HEATR1: variants seen among roughly 807,000 people sequenced by gnomAD.
HEATR1 encodes the protein HEAT repeat-containing protein 1.
Under a neutral mutation model 248.2 loss-of-function variants are expected in HEATR1, and 77 were observed. That is an observed-to-expected ratio of 0.31 (90% confidence interval 0.26 to 0.37). The LOEUF (loss-of-function observed/expected upper bound fraction) is 0.37, where lower values mean the gene tolerates loss of function less well. Ranked by LOEUF, HEATR1 falls within the 10% of genes least tolerant of loss-of-function variation. The pLI is 1.00. For missense variants in HEATR1, 2,420 were observed against 2,504.9 expected (o/e 0.97, Z 0.72); for synonymous variants, 897 against 923.1 (o/e 0.97, Z 0.51).
rs149147735 is a variant in HEATR1 at position 236,604,060 on chromosome 1, G to A, written c.36C>T (p.Ala12=). ...TSLAQQLQRL[A]LPQSDASLLS... is the part of the protein sequence containing the mutation. ...AGAGGCTGGCATCACTTTGAGGGAG[G>A]GCGAGTCGTTGCAGCTGCTGGGCTA... Residue 12 remains alanine (A), a synonymous_variant, in exon 2 of 45, where the codon GCC becomes GCT. Transcript: ENST00000366582. The A allele has an allele frequency of 1.3e-5, 21 of 1,580,596 alleles. 1 individual carries two copies. The Admixed American group carries it at 3.4e-4, about 25-fold the overall frequency.
chr1:236,574,690 G>A lies in HEATR1; in HGVS notation c.3298C>T (p.Pro1100Ser). Reference protein sequence around the residue: ...HTTKELYAGMPTIQITALEKI... With the variant: ...HTTKELYAGMSTIQITALEKI... ...TCAAGGGCTGTGATCTGAATGGTTG[G>A]CATTCCCGCGTAAAGTTCCTTTGTT... Residue 1100 changes from proline to serine, a missense_variant, in exon 23 of 45, where the codon CCA becomes TCA. Pro to Ser is a moderately conservative substitution (Grantham distance 74). Coordinates refer to ENST00000366582, the MANE Select transcript of HEATR1 (RefSeq NM_018072.6). The A allele has an allele frequency of 6.2e-7, 1 of 1,613,666 alleles. No homozygotes were observed. Among genetic ancestry groups the A allele is most frequent in the African/African-American group, 1.3e-5 (1 of 74,962 alleles).
At position 236,553,595 on chromosome 1, in the gene HEATR1, C is replaced by T. The variant is rs1424446321; in HGVS notation, c.6223G>A (p.Asp2075Asn). ...CAGTTCCTAACCTTAGGCGAGGAGT[C>T]TCTCGTCTTTAGCAGAATCTGGTAG... ...LNYQILLKTRDSSPKVRFAAL... is the reference protein window; with the variant it reads ...LNYQILLKTRNSSPKVRFAAL... The change falls in exon 43 of 45, where the codon GAC (aspartate) becomes AAC (asparagine). Residue 2075 changes from aspartate (D) to asparagine (N), a missense_variant. Transcript: ENST00000366582. 2 of 1,613,730 alleles carry T rather than the reference C, an allele frequency of 1.2e-6. No individual in the cohort carries two copies. Among genetic ancestry groups the T allele is most frequent in the Non-Finnish European group, 8.5e-7 (1 of 1,179,826 alleles).
At position 236,562,358 on chromosome 1, in the gene HEATR1, T is replaced by G. The variant is rs150646001; in HGVS notation, c.4600-1087A>C. Among the ~76,000 whole-genome samples, 255 of 152,356 alleles carry G rather than the reference T, an allele frequency of 1.7e-3. 6 individuals are homozygous for G. In the East Asian group the frequency reaches 0.046, roughly 27 times the overall value. On this transcript the variant is annotated intron_variant, in intron 32 of 44. Transcript: ENST00000366582. Reference sequence around the variant, plus strand: ...GTCACAATCATGTTCTCCTTGATTTTCTTCTAAACATTTGAACTGTTGTTT... The same window carrying G: ...GTCACAATCATGTTCTCCTTGATTTGCTTCTAAACATTTGAACTGTTGTTT...
Position 236,556,115 on chromosome 1 carries a change from A to C in HEATR1, c.5499T>G (p.Ile1833Met). The C allele has an allele frequency of 6.2e-7, 1 of 1,614,160 alleles. No homozygotes were observed. The highest frequency in any genetic ancestry group is 2.2e-5 in the East Asian group (1 of 44,880). The change falls in exon 38 of 45, where the codon ATT becomes ATG. Residue 1833 changes from isoleucine to methionine, a missense_variant. Ile to Met is a conservative substitution (Grantham distance 10). Coordinates refer to ENST00000366582, the MANE Select transcript of HEATR1 (RefSeq NM_018072.6). Reference protein sequence around the residue: ...LPAIKKTYKQIEKNWKNHMGP... With the variant: ...LPAIKKTYKQMEKNWKNHMGP... The stretch of plus-strand genomic sequence containing the variant: ...AAGATCTAACCTTCCAGTTCTTCTC[A>C]ATCTGCTTGTAAGTTTTTTTGATGG...
In HEATR1 at chr1:236,597,971, T is replaced by G; in HGVS notation, c.510A>C (p.Gly170=). ...WFWLLPVKQS[G]VPLAKGTLIT... ...TCAAAGTTCCTTTAGCTAACGGCACTCCAGATTGCTGTTATTGATGGAAAG... is the reference window on the plus strand; with the variant it reads ...TCAAAGTTCCTTTAGCTAACGGCACGCCAGATTGCTGTTATTGATGGAAAG... The change falls in exon 5 of 45, where the codon GGA becomes GGC. Residue 170 remains glycine (G), a synonymous_variant. Transcript: ENST00000366582. 1 of 1,609,010 alleles carries G rather than the reference T, an allele frequency of 6.2e-7. No homozygotes were observed. Among genetic ancestry groups the G allele is most frequent in the Non-Finnish European group, 8.5e-7 (1 of 1,176,186 alleles).
At chr1:236,568,001 G>A (rs1298076968) in intron 29 of HEATR1, among the ~76,000 whole-genome samples, 1 of 152,222 alleles carries the variant, frequency 6.6e-6, no homozygotes, top group Non-Finnish European at 1.5e-5. Context: ...ACACTTGAAT[G>A]AATGAATAAA....
In HEATR1 at chr1:236,585,857, T is replaced by C. The variant is rs527740697; in HGVS notation, c.2012A>G (p.Asn671Ser). 2 of 1,612,820 alleles carry C rather than the reference T, an allele frequency of 1.2e-6. No homozygotes were observed. Among genetic ancestry groups the C allele is most frequent in the African/African-American group, 2.7e-5 (2 of 74,998 alleles). ...NQKMIELLAD[N>S]INLGDPSSML... ...TGAAGAAGGATCTCCTAAATTTATA[T>C]TATCAGCCAACAACTCAATCATCTT... Residue 671 changes from asparagine (N) to serine (S), a missense_variant, in exon 16 of 45, where the codon AAT (asparagine) becomes AGT (serine). Physicochemically the swap from Asn to Ser is conservative, Grantham distance 46. Transcript: ENST00000366582.
intron 28 of HEATR1, among the ~76,000 whole-genome samples, chr1:236,569,362 T>C (rs1259698698): frequency 6.6e-6 from 1 of 152,022 alleles, no homozygotes; most frequent in African/African-American, 2.4e-5. Flanking sequence ...CTTTTCTGTT[T>C]TGTAAGGGTG....
At position 236,559,049 on chromosome 1, in the gene HEATR1, C is replaced by T. The variant is rs774859245; in HGVS notation, c.4857G>A (p.Ala1619=). ...GNPLPSVRRK[A]LDLLNNKLQQ... ...GCAGCTTGTTATTCAAAAGGTCCAG[C>T]GCTTTGCGGCGAACAGATGGCAGGG... Residue 1619 remains alanine (A), a synonymous_variant, in exon 35 of 45, where the codon GCG becomes GCA. Transcript: ENST00000366582. The T allele has an allele frequency of 9.9e-6, 16 of 1,612,690 alleles. No individual in the cohort carries two copies. The highest frequency in any genetic ancestry group is 2.2e-5 in the East Asian group (1 of 44,816).
Position 236,557,276 on chromosome 1 carries a change from G to A in HEATR1, c.5274C>T (p.Leu1758=), listed in dbSNP as rs367694130. 1 of 1,614,200 alleles carries A rather than the reference G, an allele frequency of 6.2e-7. No individual in the cohort carries two copies. Among genetic ancestry groups the A allele is most frequent in the Non-Finnish European group, 8.5e-7 (1 of 1,180,026 alleles). Reference sequence around the variant, plus strand: ...CCTTCTGCAGAGCAGCCAAGGCACTGAGCAGGTAGACCTCGCTGGAGACCA... The same window carrying A: ...CCTTCTGCAGAGCAGCCAAGGCACTAAGCAGGTAGACCTCGCTGGAGACCA... ...SELVSSEVYL[L]SALAALQKVV... is the part of the protein sequence containing the mutation. The change falls in exon 37 of 45, where the codon CTC becomes CTT. Residue 1758 remains leucine (L), a synonymous_variant. Coordinates refer to ENST00000366582, the MANE Select transcript of HEATR1 (RefSeq NM_018072.6).
At chr1:236,575,240 T>C (rs74145928) in intron 22 of HEATR1, among the ~76,000 whole-genome samples, 10,285 of 152,294 alleles carry the variant, frequency 0.068, 512 homozygotes, top group East Asian at 0.14. Flanking sequence ...ACACTGTATG[T>C]GTCCTTCAAT....
intron 35 of HEATR1, 83 bp downstream of exon 35, chr1:236,558,912 A>T: frequency 8.6e-7 from 1 of 1,156,552 alleles, no homozygotes; most frequent in Non-Finnish European, 1.2e-6. Context: ...AAATTGTACC[A>T]CTAGAGAAAT....
rs759450350 is a variant in HEATR1, at chr1:236,574,250, G to A, written c.3411C>T (p.Asn1137=). Reference sequence around the variant, plus strand: ...TCTGAGCACAATGTGAGTTTTTACAGTTCACCAATAAATCAAACAACATTC... The same window carrying A: ...TCTGAGCACAATGTGAGTTTTTACAATTCACCAATAAATCAAACAACATTC... ...LLRMLFDLLV[N]CKNSHCAQTV... The change falls in exon 24 of 45, where the codon AAC becomes AAT. Residue 1137 remains asparagine, a synonymous_variant. Coordinates refer to ENST00000366582, the MANE Select transcript of HEATR1 (RefSeq NM_018072.6). The A allele has an allele frequency of 6.2e-7, 1 of 1,612,932 alleles. No individual in the cohort carries two copies. The highest frequency in any genetic ancestry group is 2.2e-5 in the East Asian group (1 of 44,754).
At position 236,561,134 on chromosome 1, in the gene HEATR1, A is replaced by G. The variant is rs555537698; in HGVS notation, c.4646+91T>C. On this transcript the variant is annotated intron_variant, in intron 33 of 44. Transcript: ENST00000366582. ...TCAAATGGTGAACCTGGTTGTAAAGAGTATATGAATTTTCTGTACTGTTTT... is the reference window on the plus strand; with the variant it reads ...TCAAATGGTGAACCTGGTTGTAAAGGGTATATGAATTTTCTGTACTGTTTT... The G allele has an allele frequency of 7.7e-6, 7 of 914,126 alleles. No individual in the cohort carries two copies. In the African/African-American group the frequency reaches 8.3e-5, roughly 11 times the overall value. The allele number at this position is 914,126 out of a possible 1,614,324, so 56.6% of individuals were successfully genotyped here.
chr1:236,595,597 G>C lies in HEATR1; in HGVS notation c.1033C>G (p.Pro345Ala), dbSNP rs1358861245. Residue 345 changes from proline to alanine, a missense_variant, in exon 8 of 45, where the codon CCT (proline) becomes GCT (alanine). Coordinates refer to ENST00000366582, the MANE Select transcript of HEATR1 (RefSeq NM_018072.6). ...TGGGGAAGCATGTAATGCAGAAGAG[G>C]ACTGACATCGTAAGTTTCAGAAATC... ...HGISETYDVSPLLHYMLPHLV... is the reference protein window; with the variant it reads ...HGISETYDVSALLHYMLPHLV... 1 of 1,607,506 alleles carries C rather than the reference G, an allele frequency of 6.2e-7. No individual in the cohort carries two copies. Among genetic ancestry groups the C allele is most frequent in the Non-Finnish European group, 8.5e-7 (1 of 1,174,032 alleles).
chr1:236,577,921 C>T (rs1230096428), intron 20 of HEATR1, among the ~76,000 whole-genome samples: 1 of 152,214 alleles, frequency 6.6e-6, no homozygotes, highest in African/African-American at 2.4e-5. Context: ...GCTGCACATA[C>T]AGCCTTGTAC....
chr1:236,574,106 T>TGA, intron 24 of HEATR1, 96 bp downstream of exon 24: 1 of 1,110,938 alleles, frequency 9.0e-7, no homozygotes, highest in Non-Finnish European at 1.2e-6. Context: ...TCTGACCTCT[T>TGA]ACAAGCACTA....
Position 236,559,831 on chromosome 1 carries a change from C to T in HEATR1, c.4653G>A (p.Leu1551=), listed in dbSNP as rs1305886735. ...CACTGATATAGCCGAGAACGGTCTC[C>T]AGCAACCTGAAACACAGAGGCTCGC... The part of the protein sequence containing the change: ...EILKGLEERL[L]ETVLGYISAV... The change falls in exon 34 of 45, where the codon CTG becomes CTA. Residue 1551 remains leucine (L), a synonymous_variant. Transcript: ENST00000366582. 1.9e-6 allele frequency: 3 copies of T among 1,604,270 alleles called. No homozygotes were observed. Among genetic ancestry groups the T allele is most frequent in the Non-Finnish European group, 2.6e-6 (3 of 1,173,532 alleles).
intron 8 of HEATR1, 56 bp downstream of exon 8, chr1:236,595,484 C>A: frequency 7.0e-7 from 1 of 1,429,574 alleles, no homozygotes; most frequent in South Asian, 1.3e-5. Flanking sequence ...GATATGGTTA[C>A]TATTTTAAGA....
Sources: gnomAD v4.1 joint callset for allele counts (sites outside exome capture counted in the v4.1 genomes callset) on GRCh38, gnomAD v4.1.1 for gene constraint, MANE v1.5 for transcripts, NCBI Gene and HGNC (gene_info 2026-07-23, HGNC 2026-07-21) for gene names.